The following PDE3B variants were observed in gnomAD, a reference collection of about 807,000 sequenced individuals.
The protein encoded by PDE3B is cGMP-inhibited 3',5'-cyclic phosphodiesterase 3B.
Under a neutral mutation model 116.8 loss-of-function variants are expected in PDE3B, and 66 were observed. The ratio of observed to expected loss-of-function variants is 0.56; its 90% CI spans 0.46 to 0.69. The LOEUF (loss-of-function observed/expected upper bound fraction) is 0.69, where lower values mean the gene tolerates loss of function less well. Ranked by LOEUF, PDE3B falls within the 30% of genes least tolerant of loss-of-function variation. The pLI, the probability that PDE3B is intolerant of heterozygous loss-of-function variation, is 0.00. For missense variants in PDE3B, 1,384 were observed against 1,368.1 expected (o/e 1.01, Z -0.18); for synonymous variants, 595 against 533.6 (o/e 1.12, Z -1.59).
intron 7 of PDE3B, among the ~76,000 whole-genome samples, chr11:14,824,791 A>C (rs1380992124): frequency 6.6e-6 from 1 of 152,198 alleles, no homozygotes; most frequent in Non-Finnish European, 1.5e-5. Flanking sequence ...GAACTCGTGC[A>C]AGATTCTACT....
intron 1 of PDE3B, among the ~76,000 whole-genome samples, chr11:14,725,033 A>G (rs1856240917): frequency 6.6e-6 from 1 of 152,226 alleles, no homozygotes; most frequent in Non-Finnish European, 1.5e-5. Flanking sequence ...TACAGGTACT[A>G]AAAGGAAATA....
intron 7 of PDE3B, among the ~76,000 whole-genome samples, chr11:14,824,644 A>G (rs1196477139): frequency 6.6e-6 from 1 of 152,108 alleles, no homozygotes; most frequent in Non-Finnish European, 1.5e-5. Flanking sequence ...GATTGTGTAA[A>G]GAGGCCAAAT....
At chr11:14,827,732 C>A (rs1042756158) in intron 7 of PDE3B, among the ~76,000 whole-genome samples, 7 of 152,172 alleles carry the variant, frequency 4.6e-5, no homozygotes, top group African/African-American at 1.7e-4. Context: ...TTAAAATGGT[C>A]ATACTGCCCA....
chr11:14,832,639 A>T, intron 9 of PDE3B, 83 bp from the exon 10 acceptor site: 1 of 565,736 alleles, frequency 1.8e-6, no homozygotes, highest in Non-Finnish European at 3.2e-6. Context: ...AACATTCCAG[A>T]ATACAAATCA....
intron 1 of PDE3B, among the ~76,000 whole-genome samples, chr11:14,690,691 A>G (rs1855020337): frequency 6.6e-6 from 1 of 151,860 alleles, no homozygotes; most frequent in South Asian, 2.1e-4. Flanking sequence ...GAGGCACAGA[A>G]TCATGGAAGT....
chr11:14,890,651 A>T, the PDE3B span: 1 of 211,708 alleles, frequency 4.7e-6, no homozygotes, highest in South Asian at 1.8e-4. Context: ...GGTTCACGCC[A>T]TTCTCCTGCC....
At chr11:14,733,254 T>C (rs753054099) in intron 1 of PDE3B, among the ~76,000 whole-genome samples, 1 of 152,176 alleles carries the variant, frequency 6.6e-6, no homozygotes, top group Non-Finnish European at 1.5e-5. Context: ...GAGTGAATGT[T>C]TTATCTTGTA....
chr11:14,688,103 C>T (rs1054165952), intron 1 of PDE3B, among the ~76,000 whole-genome samples: 5 of 144,722 alleles, frequency 3.5e-5, no homozygotes, highest in African/African-American at 1.3e-4. Flanking sequence ...TTCTTTCTCT[C>T]TCTCTCTCTT....
chr11:14,811,623 G>A (rs1859133898), intron 5 of PDE3B, among the ~76,000 whole-genome samples: 1 of 152,038 alleles, frequency 6.6e-6, no homozygotes, highest in Admixed American at 6.5e-5. Context: ...TGGCGATGTG[G>A]GCTCTTTTTT....
In PDE3B at chr11:14,830,839, A is replaced by C; in HGVS notation, c.1949A>C (p.Gln650Pro). Reference sequence around the variant, plus strand: ...ACAGAAGAGGCACAGAGTGAACAGCAAACAAATGTAAAAGATAAACTTTCA... The same window carrying C: ...ACAGAAGAGGCACAGAGTGAACAGCCAACAAATGTAAAAGATAAACTTTCA... Reference protein sequence around the residue: ...WLTEEAQSEQQTNIEQEVSLD... With the variant: ...WLTEEAQSEQPTNIEQEVSLD... The change falls in exon 8 of 16, where the codon CAA becomes CCA. Residue 650 changes from glutamine to proline, a missense_variant. By Grantham distance (76) the Gln-to-Pro change is moderately conservative. Around this residue, in one of 2 missense-constraint regions of PDE3B, gnomAD observed 428 missense variants for 561.4 expected, o/e 0.76. Coordinates refer to ENST00000282096, the MANE Select transcript of PDE3B (RefSeq NM_000922.4). 6.7e-7 allele frequency: 1 copy of C among 1,490,066 alleles called. No individual in the cohort carries two copies. The highest frequency in any genetic ancestry group is 8.9e-7 in the Non-Finnish European group (1 of 1,123,494). 92.3% of individuals were successfully genotyped at this position (1,490,066 alleles called of 1,614,324 possible).
intron 5 of PDE3B, among the ~76,000 whole-genome samples, chr11:14,811,110 T>C (rs1380672892): frequency 1.3e-5 from 2 of 152,136 alleles, no homozygotes; most frequent in Non-Finnish European, 2.9e-5. Context: ...TTCTCCCATT[T>C]TGTAGGTTGC....
chr11:14,802,333 G>A (rs1375160446), intron 4 of PDE3B, among the ~76,000 whole-genome samples: 5 of 152,196 alleles, frequency 3.3e-5, no homozygotes, highest in Non-Finnish European at 7.3e-5. Flanking sequence ...TGGGAAAAGC[G>A]TAGTATCTGG....
chr11:14,876,756 G>A (rs1221635528), downstream of PDE3B, among the ~76,000 whole-genome samples: 1 of 152,126 alleles, frequency 6.6e-6, no homozygotes, highest in Non-Finnish European at 1.5e-5. Context: ...TTAAGATAAA[G>A]CTGGTATCAT....
intron 4 of PDE3B, among the ~76,000 whole-genome samples, chr11:14,802,585 T>C (rs1858808249): frequency 6.6e-6 from 1 of 152,198 alleles, no homozygotes; most frequent in Admixed American, 6.5e-5. Flanking sequence ...ACTGGAGCTC[T>C]TTCTATTCAA....
the PDE3B span, among the ~76,000 whole-genome samples, chr11:14,881,757 T>C: frequency 6.6e-6 from 1 of 152,126 alleles, no homozygotes; most frequent in East Asian, 1.9e-4. Context: ...CAATGCCTTC[T>C]GCCATGATTG....
intron 1 of PDE3B, among the ~76,000 whole-genome samples, chr11:14,752,380 TTTG>T (rs1041497497): frequency 9.9e-5 from 15 of 152,252 alleles, no homozygotes; most frequent in East Asian, 5.8e-4. Flanking sequence ...GAAATAAGGC[TTTG>T]TTGTTGTTGT....
the PDE3B span, among the ~76,000 whole-genome samples, chr11:14,884,383 G>C: frequency 3.9e-5 from 6 of 152,022 alleles, no homozygotes; most frequent in African/African-American, 1.4e-4. Flanking sequence ...CCTTTGTTAG[G>C]GACATGGATG....
intron 12 of PDE3B, among the ~76,000 whole-genome samples, chr11:14,852,800 C>A (rs1783745168): frequency 6.6e-6 from 1 of 152,090 alleles, no homozygotes. Context: ...GTGGCTCACA[C>A]CTGTAATCTC....
chr11:14,759,321 C>T (rs535857601), intron 1 of PDE3B, among the ~76,000 whole-genome samples: 5 of 152,108 alleles, frequency 3.3e-5, no homozygotes, highest in Admixed American at 6.5e-5. Context: ...TTTCTATTGA[C>T]TGGAATAGTT....
Sources: allele counts gnomAD v4.1 joint callset (sites outside exome capture counted in the v4.1 genomes callset), GRCh38; gene constraint gnomAD v4.1.1; regional missense constraint gnomAD v4.1.1; transcripts MANE v1.5; gene names NCBI Gene and HGNC (gene_info 2026-07-23, HGNC 2026-07-21).